Variants in SOD2 observed in about 807,000 individuals in gnomAD.
The protein encoded by SOD2 is superoxide dismutase 2.
SOD2 carries 11 observed loss-of-function variants against 27.0 expected under a neutral mutation model. That is an observed-to-expected ratio of 0.41 (90% CI 0.26 to 0.67). The LOEUF is 0.67. SOD2 is among the 30% of genes least tolerant of loss of function. The pLI is 0.34. For synonymous variants in SOD2, 105 were observed against 103.0 expected, an observed-to-expected ratio of 1.02 and a Z score of -0.12; for missense variants, 250 against 274.5, an observed-to-expected ratio of 0.91 and a Z score of 0.63.
chr6:159,696,421 G>A (rs563905342), upstream of SOD2, among the ~76,000 whole-genome samples: 1 of 152,224 alleles, frequency 6.6e-6, no homozygotes. Context: ...CTGAGTTCAA[G>A]TGATTCTCCT....
chr6:159,705,122 C>A (rs554130706), intron 1 of SOD2, among the ~76,000 whole-genome samples: 2 of 152,274 alleles, frequency 1.3e-5, no homozygotes, highest in African/African-American at 2.4e-5. Context: ...CCTACCTGTA[C>A]GTCACCGTCA....
chr6:159,695,980 G>A (rs1157789704), upstream of SOD2, among the ~76,000 whole-genome samples: 4 of 152,194 alleles, frequency 2.6e-5, no homozygotes, highest in Non-Finnish European at 5.9e-5. Flanking sequence ...GCCATCCTGA[G>A]ACCCACCACA....
At chr6:159,721,912 G>A (rs948529098) in intron 1 of SOD2, among the ~76,000 whole-genome samples, 52 of 152,038 alleles carry the variant, frequency 3.4e-4, no homozygotes, top group African/African-American at 1.3e-3. Flanking sequence ...AGGTTTTGAA[G>A]TCCATTGATA....
Position 159,677,788 on chromosome 6 carries a change from T to C in SOD2, c.*4705A>G, listed in dbSNP as rs1356036101. On this transcript the variant is annotated 3_prime_UTR_variant, in exon 5 of 5. Coordinates refer to ENST00000538183, the MANE Select transcript of SOD2 (RefSeq NM_000636.4). ...TGTGAGTAACCACAACCAGCTATTA[T>C]GAGAAATATATAAAATACTATTTGT... 4 of 152,216 alleles carry C rather than the reference T, an allele frequency of 2.6e-5. No individual in the cohort carries two copies. Among genetic ancestry groups the C allele is most frequent in the Admixed American group, 1.3e-4 (2 of 15,282 alleles). The allele number at this position is 152,216 out of a possible 1,614,324, so 9.4% of individuals were successfully genotyped here.
At chr6:159,744,246 T>C (rs2114930614) in intron 1 of SOD2, among the ~76,000 whole-genome samples, 1 of 152,354 alleles carries the variant, frequency 6.6e-6, no homozygotes, top group African/African-American at 2.4e-5. Flanking sequence ...AGAACTTTGA[T>C]GTGTACTGTG....
At chr6:159,736,907 G>A (rs1277776038) in intron 1 of SOD2, among the ~76,000 whole-genome samples, 1 of 152,176 alleles carries the variant, frequency 6.6e-6, no homozygotes, top group African/African-American at 2.4e-5. Flanking sequence ...AATTGGGAAA[G>A]CTTACTAAAC....
At chr6:159,729,040 G>A (rs554828729), upstream of SOD2, among the ~76,000 whole-genome samples, 10 of 152,256 alleles carry the variant, frequency 6.6e-5, no homozygotes, top group South Asian at 2.1e-3. Context: ...ATATTTTTGT[G>A]TATTGTTTGT....
chr6:159,754,452 C>G (rs1237156422), intron 1 of SOD2, among the ~76,000 whole-genome samples: 1 of 152,136 alleles, frequency 6.6e-6, no homozygotes, highest in African/African-American at 2.4e-5. Context: ...AAACGTGAGT[C>G]AAACTTTGGG....
At chr6:159,687,872 G>A (rs976256490) in intron 3 of SOD2, among the ~76,000 whole-genome samples, 28 of 151,910 alleles carry the variant, frequency 1.8e-4, no homozygotes, top group African/African-American at 6.0e-4. Flanking sequence ...TTAGCCAGGC[G>A]TGGTGGCGGG....
upstream of SOD2, among the ~76,000 whole-genome samples, chr6:159,728,047 C>T (rs565438527): frequency 3.3e-5 from 5 of 152,200 alleles, no homozygotes; most frequent in East Asian, 1.9e-4. Flanking sequence ...CCTTCACCTC[C>T]CTTGGGCCTC....
intron 1 of SOD2, among the ~76,000 whole-genome samples, chr6:159,712,346 AT>A (rs1374947983): frequency 7.0e-6 from 1 of 142,292 alleles, no homozygotes; most frequent in Non-Finnish European, 1.5e-5. Context: ...AACCACCTCC[AT>A]AACCACCACT....
At chr6:159,745,678 C>T (rs1047003237), upstream of SOD2, among the ~76,000 whole-genome samples, 31 of 152,136 alleles carry the variant, frequency 2.0e-4, no homozygotes, top group African/African-American at 7.2e-4. Flanking sequence ...AAGAATTCTT[C>T]AGCAAGAGAT....
At position 159,673,928 on chromosome 6, in the gene SOD2, C is replaced by A. The variant is rs1309032081; in HGVS notation, c.*8565G>T. 6.6e-6 allele frequency: 1 copy of A among 152,136 alleles called. No homozygotes were observed. Among genetic ancestry groups the A allele is most frequent in the African/African-American group, 2.4e-5 (1 of 41,424 alleles). 9.4% of individuals were successfully genotyped at this position (152,136 alleles called of 1,614,324 possible). On this transcript the variant is annotated 3_prime_UTR_variant, in exon 5 of 5. Coordinates refer to ENST00000538183, the MANE Select transcript of SOD2 (RefSeq NM_000636.4). ...TGATAAAGTGGATATCACCACCAAT[C>A]CCACAGAAATACAGAGTACACAGAG...
intron 1 of SOD2, chr6:159,755,804 T>C (rs1779993995): frequency 1.1e-6 from 1 of 935,732 alleles, no homozygotes; most frequent in Non-Finnish European, 1.4e-6. Flanking sequence ...TCAATACTTC[T>C]GCCGCTTTGG....
At chr6:159,734,894 C>A (rs1583071326) in intron 1 of SOD2, among the ~76,000 whole-genome samples, 1 of 151,988 alleles carries the variant, frequency 6.6e-6, no homozygotes, top group East Asian at 1.9e-4. Context: ...GTTTATTACA[C>A]ATTTTTTCTT....
chr6:159,717,554 C>A (rs560391448), intron 1 of SOD2, among the ~76,000 whole-genome samples: 2 of 152,270 alleles, frequency 1.3e-5, no homozygotes, highest in East Asian at 3.9e-4. Context: ...TCTATTATTT[C>A]TTTGTGCTGA....
chr6:159,736,093 T>C (rs1778895507), intron 1 of SOD2, among the ~76,000 whole-genome samples: 1 of 152,216 alleles, frequency 6.6e-6, no homozygotes, highest in Non-Finnish European at 1.5e-5. Flanking sequence ...TCTTTGCCAC[T>C]TTTTTGTAAA....
At chr6:159,729,623 C>G (rs1253010036), upstream of SOD2, among the ~76,000 whole-genome samples, 1 of 152,176 alleles carries the variant, frequency 6.6e-6, no homozygotes, top group Non-Finnish European at 1.5e-5. Flanking sequence ...ATTTGCAGCA[C>G]TTTGTGAGAC....
intron 1 of SOD2, chr6:159,755,951 T>C (rs761777783): frequency 1.4e-5 from 3 of 218,224 alleles, no homozygotes; most frequent in Non-Finnish European, 2.7e-5. Flanking sequence ...TCTGTATAAA[T>C]CTGTCTGTTT....
Sources: gnomAD v4.1 joint callset for allele counts (sites outside exome capture counted in the v4.1 genomes callset) on GRCh38, gnomAD v4.1.1 for gene constraint, MANE v1.5 for transcripts, NCBI Gene and HGNC (gene_info 2026-07-23, HGNC 2026-07-21) for gene names.